TRAK2: variants seen among roughly 807,000 people sequenced by gnomAD.
TRAK2 encodes the protein trafficking kinesin protein 2.
A neutral mutation model predicts 104.6 loss-of-function variants in TRAK2; 81 were observed. The observed-to-expected ratio is 0.77, with a 90% CI of 0.65 to 0.93. The LOEUF (loss-of-function observed/expected upper bound fraction) is 0.93, where lower values mean the gene tolerates loss of function less well. Ranked by LOEUF, TRAK2 falls within the 40% of genes least tolerant of loss-of-function variation. TRAK2 has a pLI of 0.00. For synonymous variants in TRAK2, 406 were observed against 394.4 expected (o/e 1.03, Z -0.35); for missense variants, 1,002 against 1,089.0 (o/e 0.92, Z 1.12).
intron 1 of TRAK2, among the ~76,000 whole-genome samples, chr2:201,439,081 A>G (rs1951900109): frequency 6.6e-6 from 1 of 152,256 alleles, no homozygotes; most frequent in Admixed American, 6.5e-5. Context: ...GTATCTGGCA[A>G]ATGACAGGCA....
Position 201,397,901 on chromosome 2 carries a change from A to C in TRAK2, c.690+244T>G, listed in dbSNP as rs1000736524. ...TGTAACTACTTAGTTACTTGCGTAA[A>C]CTCCACAAGATACATTTTCTATCCT... is the stretch of plus-strand genomic sequence containing the variant. On this transcript the variant is annotated intron_variant, in intron 6 of 15. Coordinates refer to ENST00000332624, the MANE Select transcript of TRAK2 (RefSeq NM_015049.3). The C allele has an allele frequency of 1.1e-5, 6 of 560,726 alleles. No homozygotes were observed. The East Asian group carries it at 1.7e-4, about 16-fold the overall frequency. 34.7% of individuals were successfully genotyped at this position (560,726 alleles called of 1,614,324 possible).
intron 1 of TRAK2, among the ~76,000 whole-genome samples, chr2:201,442,316 A>C (rs1009850700): frequency 2.0e-5 from 3 of 151,034 alleles, no homozygotes; most frequent in African/African-American, 4.9e-5. Flanking sequence ...GCGTGAACCC[A>C]GGGGGCGGAG....
chr2:201,448,358 C>T (rs908455955), intron 1 of TRAK2, among the ~76,000 whole-genome samples: 5 of 152,116 alleles, frequency 3.3e-5, no homozygotes, highest in African/African-American at 1.2e-4. Context: ...GCTTTAGTTG[C>T]CTATCTATAA....
intron 1 of TRAK2, among the ~76,000 whole-genome samples, chr2:201,424,500 A>G (rs1199220055): frequency 1.3e-5 from 2 of 152,176 alleles, no homozygotes; most frequent in African/African-American, 2.4e-5. Flanking sequence ...CCACTAGTTT[A>G]TAACTATGCA....
At chr2:201,416,443 A>T (rs1951692620) in intron 2 of TRAK2, among the ~76,000 whole-genome samples, 3 of 152,010 alleles carry the variant, frequency 2.0e-5, no homozygotes, top group African/African-American at 7.2e-5. Flanking sequence ...CAAGCAGAAA[A>T]CTATGGCTAT....
chr2:201,410,164 T>C (rs185667316), intron 2 of TRAK2, among the ~76,000 whole-genome samples: 8 of 152,008 alleles, frequency 5.3e-5, no homozygotes, highest in African/African-American at 1.9e-4. Context: ...TAGCTGGGCG[T>C]GGTGGCGGGC....
rs759052845 is a variant in TRAK2 at position 201,388,017 on chromosome 2, G to T, written c.1398-16C>A. ...CTGGGAGCTCCTATAGGAAAATCGC[G>T]TTCACTGATTAGATCTTGAGGATCA... is the stretch of plus-strand genomic sequence containing the variant. On this transcript the variant is annotated splice_polypyrimidine_tract_variant and intron_variant, in intron 12 of 15. Transcript: ENST00000332624. The T allele has an allele frequency of 6.2e-7, 1 of 1,613,552 alleles. No homozygotes were observed. Among genetic ancestry groups the T allele is most frequent in the Non-Finnish European group, 8.5e-7 (1 of 1,179,720 alleles).
At chr2:201,392,094 A>T (rs1333015363) in intron 10 of TRAK2, among the ~76,000 whole-genome samples, 1 of 152,180 alleles carries the variant, frequency 6.6e-6, no homozygotes, top group Non-Finnish European at 1.5e-5. Flanking sequence ...ACGGGGTAAT[A>T]AGGTATATCA....
rs559958418 is a variant in TRAK2, at chr2:201,405,835, T to C, written c.286+1568A>G. Among the ~76,000 whole-genome samples the C allele has an allele frequency of 3.3e-5, 5 of 152,026 alleles. No homozygotes were observed. The East Asian group carries it at 9.7e-4, about 29-fold the overall frequency. ...CCGTCTCTACTAAAAATACAAAAAT[T>C]AGCCAGCATAGTGGCGCCCGCCTAT... On this transcript the variant is annotated intron_variant, in intron 3 of 15. Transcript: ENST00000332624.
At chr2:201,421,654 A>C (rs886822961) in intron 1 of TRAK2, among the ~76,000 whole-genome samples, 1 of 151,368 alleles carries the variant, frequency 6.6e-6, no homozygotes, top group Non-Finnish European at 1.5e-5. Context: ...AAATATAAAC[A>C]AAAAAAAAGT....
At chr2:201,406,332 G>A in intron 3 of TRAK2, among the ~76,000 whole-genome samples, 1 of 152,286 alleles carries the variant, frequency 6.6e-6, no homozygotes. Flanking sequence ...CTATGAAAAT[G>A]AGTATTTCAC....
At chr2:201,410,796 AG>A in intron 2 of TRAK2, 3 of 1,606,592 alleles carry the variant, frequency 1.9e-6, no homozygotes, top group Middle Eastern at 1.7e-4. Context: ...TGGGTTTCTG[AG>A]GGCCAAAGAG....
At chr2:201,402,449 T>G (rs1420146) in intron 3 of TRAK2, among the ~76,000 whole-genome samples, 148,753 of 152,148 alleles carry the variant, frequency 0.98, 72,798 homozygotes, top group East Asian at 1. Flanking sequence ...TTGATGGTAT[T>G]GGAGATAACT....
chr2:201,411,541 T>C (rs1951647269), intron 2 of TRAK2: 1 of 751,526 alleles, frequency 1.3e-6, no homozygotes, highest in Non-Finnish European at 2.5e-6. Flanking sequence ...CTATTCAGCA[T>C]CTCTTTTATG....
intron 1 of TRAK2, among the ~76,000 whole-genome samples, chr2:201,449,642 G>A (rs995469330): frequency 2.0e-5 from 3 of 150,828 alleles, no homozygotes; most frequent in Non-Finnish European, 4.4e-5. Context: ...GTGCCACCAT[G>A]CCTGGCTAAT....
rs1312995481 is a variant in TRAK2, at chr2:201,420,514, T to C, written c.-7A>G. On this transcript the variant is annotated 5_prime_UTR_variant, in exon 2 of 16. Coordinates refer to ENST00000332624, the MANE Select transcript of TRAK2 (RefSeq NM_015049.3). Reference sequence around the variant, plus strand: ...CATTCTGGGATTGACTCATGCAGGATCCTTTCTTGCTTTGGTTGAGAAGGA... The same window carrying C: ...CATTCTGGGATTGACTCATGCAGGACCCTTTCTTGCTTTGGTTGAGAAGGA... 6.2e-6 allele frequency: 10 copies of C among 1,612,156 alleles called. No homozygotes were observed. Among genetic ancestry groups the C allele is most frequent in the Non-Finnish European group, 8.5e-6 (10 of 1,178,278 alleles).
intron 2 of TRAK2, among the ~76,000 whole-genome samples, chr2:201,419,674 A>G (rs755569868): frequency 1.3e-5 from 2 of 152,198 alleles, no homozygotes; most frequent in Non-Finnish European, 2.9e-5. Flanking sequence ...CTCGAACTGT[A>G]TACTTAAAAT....
At position 201,398,192 on chromosome 2, in the gene TRAK2, C is replaced by T. The variant is rs1409245599; in HGVS notation, c.643G>A (p.Glu215Lys). Residue 215 changes from glutamate (E) to lysine (K), a missense_variant, in exon 6 of 16, where the codon GAA becomes AAA. Physicochemically the swap from Glu to Lys is moderately conservative, Grantham distance 56. Coordinates refer to ENST00000332624, the MANE Select transcript of TRAK2 (RefSeq NM_015049.3). Reference sequence around the variant, plus strand: ...TCTTCTTCCAGTTCCTTGAGCTTTTCTTGCAGCATTTCCAACTGCAGCAAC... The same window carrying T: ...TCTTCTTCCAGTTCCTTGAGCTTTTTTTGCAGCATTTCCAACTGCAGCAAC... The part of the protein sequence containing the change: ...QGLLQLEMLQ[E>K]KLKELEEENM... 8.1e-6 allele frequency: 13 copies of T among 1,613,730 alleles called. No homozygotes were observed. The highest frequency in any genetic ancestry group is 1.1e-5 in the Non-Finnish European group (13 of 1,179,704).
intron 1 of TRAK2, among the ~76,000 whole-genome samples, chr2:201,431,577 A>G (rs528734092): frequency 6.6e-6 from 1 of 152,150 alleles, no homozygotes; most frequent in East Asian, 1.9e-4. Context: ...CCTTTGCCTC[A>G]CTCCTATAAG....
Sources: allele counts gnomAD v4.1 joint callset (sites outside exome capture counted in the v4.1 genomes callset), GRCh38; gene constraint gnomAD v4.1.1; transcripts MANE v1.5; gene names NCBI Gene and HGNC (gene_info 2026-07-23, HGNC 2026-07-21).